Variants in MARCHF4 observed in about 807,000 individuals in gnomAD.
MARCHF4 encodes membrane associated ring-CH-type finger 4.
MARCHF4 carries 14 observed loss-of-function variants against 43.9 expected under a neutral mutation model. That is an observed-to-expected ratio of 0.32 (90% CI 0.21 to 0.50). MARCHF4 has a LOEUF of 0.50. Among genes scored for constraint, MARCHF4 ranks in the 20% least tolerant of loss-of-function variants. MARCHF4 has a pLI of 0.98. For missense variants in MARCHF4, 468 were observed against 536.7 expected (o/e 0.87, Z 1.27); for synonymous variants, 226 against 213.3 (o/e 1.06, Z -0.52).
At chr2:216,342,432 G>A (rs1190772285) in intron 1 of MARCHF4, among the ~76,000 whole-genome samples, 2 of 152,200 alleles carry the variant, frequency 1.3e-5, no homozygotes, top group Non-Finnish European at 2.9e-5. Flanking sequence ...CCTCTTGGGT[G>A]CAAAAATGTT....
rs1692753534 is a variant in MARCHF4 at position 216,371,154 on chromosome 2, A to G, written c.-894T>C. 1 of 152,562 alleles carries G rather than the reference A, an allele frequency of 6.6e-6. No homozygotes were observed. The allele number at this position is 152,562 out of a possible 1,614,324, so 9.5% of individuals were successfully genotyped here. A position where few individuals can be genotyped will look rare whatever the true frequency, so the allele number is the denominator to read the frequency against. Reference sequence around the variant, plus strand: ...TTGCAGAGGCGCCTCCTTCCTGAGCATGAAGATCCTGGCTAGAGGAAGGGT... The same window carrying G: ...TTGCAGAGGCGCCTCCTTCCTGAGCGTGAAGATCCTGGCTAGAGGAAGGGT... On this transcript the variant is annotated 5_prime_UTR_variant, in exon 1 of 4. It removes an upstream start codon present in the reference 5' UTR. Coordinates refer to ENST00000273067, the MANE Select transcript of MARCHF4 (RefSeq NM_020814.3).
intron 1 of MARCHF4, among the ~76,000 whole-genome samples, chr2:216,332,002 G>T (rs1157703624): frequency 6.6e-6 from 1 of 152,138 alleles, no homozygotes; most frequent in Admixed American, 6.5e-5. Context: ...TATGTAACTT[G>T]TTATAAGAAT....
chr2:216,295,053 T>A (rs1691369372), intron 1 of MARCHF4, among the ~76,000 whole-genome samples: 1 of 152,178 alleles, frequency 6.6e-6, no homozygotes, highest in South Asian at 2.1e-4. Flanking sequence ...GAACATGTAC[T>A]AGAGGCTAGG....
chr2:216,339,270 G>A lies in MARCHF4; in HGVS notation c.516+30475C>T, dbSNP rs1692203658. On this transcript the variant is annotated intron_variant, in intron 1 of 3. Coordinates refer to ENST00000273067, the MANE Select transcript of MARCHF4 (RefSeq NM_020814.3). The stretch of plus-strand genomic sequence containing the variant: ...AATGAAATATGCCAAGAAATCCAAG[G>A]TGTAGTGTTCAATGGCCATGCCCTT... Among the ~76,000 whole-genome samples, 7 of 152,268 alleles carry A rather than the reference G, an allele frequency of 4.6e-5. No homozygotes were observed. In the South Asian group the frequency reaches 1.5e-3, roughly 32 times the overall value.
At chr2:216,263,447 GA>G (rs1690776246) in intron 3 of MARCHF4, among the ~76,000 whole-genome samples, 1 of 140,646 alleles carries the variant, frequency 7.1e-6, no homozygotes, top group African/African-American at 2.6e-5. Context: ...GAGAGAGAGA[GA>G]GAGAGAGAGA....
At chr2:216,315,006 C>T (rs943315941) in intron 1 of MARCHF4, among the ~76,000 whole-genome samples, 2 of 152,032 alleles carry the variant, frequency 1.3e-5, no homozygotes, top group Non-Finnish European at 2.9e-5. Flanking sequence ...AAGCTAAAGA[C>T]AAATGGTAAA....
At chr2:216,287,115 G>C (rs1691229618) in intron 1 of MARCHF4, among the ~76,000 whole-genome samples, 1 of 152,068 alleles carries the variant, frequency 6.6e-6, no homozygotes, top group South Asian at 2.1e-4. Context: ...CCTTCTCCAG[G>C]TCCCACCCCA....
chr2:216,293,953 T>TCCA lies in MARCHF4; in HGVS notation c.517-10225_517-10224insTGG, dbSNP rs1691352903. ...CTAAATGTGTAATATACTGTCCGTT[T>TCCA]GTCTTTCTGCATAACTCATCATTAC... On this transcript the variant is annotated intron_variant, in intron 1 of 3. Transcript: ENST00000273067. Among the ~76,000 whole-genome samples, 14 of 122,544 alleles carry TCCA rather than the reference T, an allele frequency of 1.1e-4. 1 individual carries two copies. Among genetic ancestry groups the TCCA allele is most frequent in the Admixed American group, 3.2e-4 (4 of 12,482 alleles). The allele number at this position is 122,544 out of a possible 152,430, so 80.4% of individuals were successfully genotyped here. A position where few individuals can be genotyped will look rare whatever the true frequency, so the allele number is the denominator to read the frequency against.
chr2:216,370,092 G>A lies in MARCHF4; in HGVS notation c.169C>T (p.Pro57Ser). 1 of 1,583,576 alleles carries A rather than the reference G, an allele frequency of 6.3e-7. No homozygotes were observed. Among genetic ancestry groups the A allele is most frequent in the Non-Finnish European group, 8.6e-7 (1 of 1,165,110 alleles). ...TGCATGGGCAGGGGCGCTTGAGGAG[G>A]GCGCCGCAGTAAGAAAACCTTCAGG... The part of the protein sequence containing the change: ...NDLKVFLLRR[P>S]PQAPLPMHGD... The change falls in exon 1 of 4, where the codon CCT becomes TCT. Residue 57 changes from proline to serine, a missense_variant. This residue lies in a region of MARCHF4 where 190 missense variants were observed against 158.5 expected (regional missense o/e 1.20). Transcript: ENST00000273067.
chr2:216,298,935 C>A (rs1046840841), intron 1 of MARCHF4, among the ~76,000 whole-genome samples: 1 of 152,144 alleles, frequency 6.6e-6, no homozygotes, highest in Non-Finnish European at 1.5e-5. Flanking sequence ...ACTGCCAAAT[C>A]GGCCTTCAGG....
In MARCHF4 at chr2:216,293,241, T is replaced by G. The variant is rs1309223751; in HGVS notation, c.517-9512A>C. ...TTCACATGCTCCCTTCCCAGCCAGCTCATGCTGGGCTTCTCGCTTCCCTCC... is the reference window on the plus strand; with the variant it reads ...TTCACATGCTCCCTTCCCAGCCAGCGCATGCTGGGCTTCTCGCTTCCCTCC... On this transcript the variant is annotated intron_variant, in intron 1 of 3. Transcript: ENST00000273067. 2.0e-5 allele frequency among the ~76,000 whole-genome samples: 3 copies of G among 152,216 alleles called. No individual in the cohort carries two copies. In the East Asian group the frequency reaches 5.8e-4, roughly 29 times the overall value.
intron 1 of MARCHF4, among the ~76,000 whole-genome samples, chr2:216,319,136 T>C (rs545098067): frequency 3.9e-5 from 6 of 152,108 alleles, no homozygotes; most frequent in Admixed American, 2.6e-4. Flanking sequence ...GGTGAAACCC[T>C]GTTTCTACTA....
intron 1 of MARCHF4, among the ~76,000 whole-genome samples, chr2:216,289,020 T>C (rs10168262): frequency 0.1 from 15,031 of 145,750 alleles, 2,500 homozygotes; most frequent in African/African-American, 0.35. Flanking sequence ...TATCTATATA[T>C]GAAAATATAT....
chr2:216,317,580 A>G (rs941305241), intron 1 of MARCHF4, among the ~76,000 whole-genome samples: 4 of 152,064 alleles, frequency 2.6e-5, no homozygotes, highest in African/African-American at 9.7e-5. Flanking sequence ...CGCCTGGCTA[A>G]TTTTTGTATT....
intron 1 of MARCHF4, among the ~76,000 whole-genome samples, chr2:216,365,971 T>C (rs1293599081): frequency 6.6e-6 from 1 of 152,192 alleles, no homozygotes; most frequent in Non-Finnish European, 1.5e-5. Flanking sequence ...GCCTAGAGCA[T>C]TATAAATCTG....
chr2:216,342,038 G>A (rs963265016), intron 1 of MARCHF4, among the ~76,000 whole-genome samples: 2 of 152,224 alleles, frequency 1.3e-5, no homozygotes, highest in African/African-American at 4.8e-5. Flanking sequence ...ATGGGAGGAA[G>A]CAGCCCATTG....
chr2:216,317,874 T>C (rs1434580131), intron 1 of MARCHF4, among the ~76,000 whole-genome samples: 1 of 152,164 alleles, frequency 6.6e-6, no homozygotes, highest in African/African-American at 2.4e-5. Context: ...CCAGGACAGT[T>C]TGTGCTGATG....
At position 216,259,560 on chromosome 2, in the gene MARCHF4, C is replaced by T; in HGVS notation, c.985G>A (p.Gly329Arg). Residue 329 changes from glycine to arginine, a missense_variant, in exon 4 of 4, where the codon GGA becomes AGA. Physicochemically the swap from Gly to Arg is moderately radical, Grantham distance 125. Around this residue, in one of 3 missense-constraint regions of MARCHF4, gnomAD observed 120 missense variants for 127.1 expected, o/e 0.94. Transcript: ENST00000273067. ...GAGGTCCGGGGGTTGGTCCTGCCTC[C>T]TGCCTTTTGATCCTCCAGGTCTTTT... The part of the protein sequence containing the change: ...KTKDLEDQKA[G>R]GRTNPRTSSS... 1 of 1,614,200 alleles carries T rather than the reference C, an allele frequency of 6.2e-7. No homozygotes were observed. The highest frequency in any genetic ancestry group is 2.2e-5 in the East Asian group (1 of 44,886).
At chr2:216,341,674 G>C (rs529987231) in intron 1 of MARCHF4, among the ~76,000 whole-genome samples, 63 of 152,330 alleles carry the variant, frequency 4.1e-4, no homozygotes, top group Middle Eastern at 6.8e-3. Context: ...AGCAACACCG[G>C]TGCCTCCCGA....
Sources: gnomAD v4.1 joint callset for allele counts (sites outside exome capture counted in the v4.1 genomes callset) on GRCh38, gnomAD v4.1.1 for gene constraint, gnomAD v4.1.1 regional missense constraint, MANE v1.5 for transcripts, NCBI Gene and HGNC (gene_info 2026-07-23, HGNC 2026-07-21) for gene names.